UMODL1: variants seen among roughly 807,000 people sequenced by gnomAD.
The protein encoded by UMODL1 is uromodulin like 1.
In UMODL1, 128 loss-of-function variants were observed where a neutral mutation model predicts 136.3. That is an observed-to-expected ratio of 0.94 (90% confidence interval 0.81 to 1.09). UMODL1 has a LOEUF of 1.09. Ranked by LOEUF, UMODL1 falls within the 50% of genes least tolerant of loss-of-function variation. The pLI, the probability that UMODL1 is intolerant of heterozygous loss-of-function variation, is 0.00. For missense variants in UMODL1, 1,766 were observed against 1,725.6 expected (o/e 1.02, Z -0.41); for synonymous variants, 721 against 720.0 (o/e 1.00, Z -0.02).
rs1382029725 is a variant in UMODL1, at chr21:42,142,985, TTAGA to T, written c.*915_*918del. 6.6e-6 allele frequency: 1 copy of T among 152,240 alleles called. No homozygotes were observed. The highest frequency in any genetic ancestry group is 2.4e-5 in the African/African-American group (1 of 41,464). 9.4% of individuals were successfully genotyped at this position (152,240 alleles called of 1,614,324 possible). ...TCATTTGAAATAAACTGGAATTGTA[TTAGA>T]TAGCTCACACCTGAAAGTAGAGTGT... is the stretch of plus-strand genomic sequence containing the variant. On this transcript the variant is annotated 3_prime_UTR_variant, in exon 23 of 23. Transcript: ENST00000408910.
At chr21:42,116,077 G>A (rs1188906646) in intron 14 of UMODL1, 92 bp downstream of exon 14, 19 of 962,236 alleles carry the variant, frequency 2.0e-5, no homozygotes, top group South Asian at 1.4e-5. Flanking sequence ...GCTCACCCCT[G>A]TAATCCTAGC....
At chr21:42,127,639 ACAAG>A in intron 19 of UMODL1, 29 bp from the exon 20 acceptor site, 3 of 1,598,548 alleles carry the variant, frequency 1.9e-6, no homozygotes, top group Non-Finnish European at 2.6e-6. Flanking sequence ...GGGCTCGCTG[ACAAG>A]CAAGGAGTCC....
At chr21:42,141,623 G>A (rs1437024583) in intron 22 of UMODL1, among the ~76,000 whole-genome samples, 6 of 152,112 alleles carry the variant, frequency 3.9e-5, no homozygotes, top group Non-Finnish European at 8.8e-5. Flanking sequence ...TTGTTCTCCC[G>A]GGGCTCCTGT....
intron 12 of UMODL1, 102 bp from the exon 13 acceptor site, chr21:42,113,471 A>G: frequency 1.4e-6 from 2 of 1,437,934 alleles, no homozygotes; most frequent in Non-Finnish European, 1.9e-6. Flanking sequence ...CAAATCGCTC[A>G]TGTCCCCATG....
chr21:42,102,239 T>C lies in UMODL1; in HGVS notation c.1260T>C (p.Ser420=), dbSNP rs220109. The C allele has an allele frequency of 0.54, 872,611 of 1,612,020 alleles. 237,068 individuals carry two copies. The highest frequency in any genetic ancestry group is 0.64 in the Admixed American group (38,439 of 59,910). The change falls in exon 8 of 23, where the codon AGT becomes AGC. Residue 420 remains serine (S), a synonymous_variant. Transcript: ENST00000408910. The part of the protein sequence containing the change: ...NLTEKLLNRS[S]VEYQDFSRQL... ...CGGAGAAGTTACTCAACCGCAGCAGTGTGGAGTACCAGGACTTTTCTAGAC... is the reference window on the plus strand; with the variant it reads ...CGGAGAAGTTACTCAACCGCAGCAGCGTGGAGTACCAGGACTTTTCTAGAC...
chr21:42,126,977 T>C (rs1363176277), intron 18 of UMODL1, 29 bp from the exon 19 acceptor site: 2 of 1,583,412 alleles, frequency 1.3e-6, no homozygotes, highest in Admixed American at 1.7e-5. Flanking sequence ...TCCTGAAACA[T>C]GCCTCCTGCA....
intron 20 of UMODL1, among the ~76,000 whole-genome samples, chr21:42,128,713 C>T (rs896287942): frequency 6.6e-5 from 10 of 152,214 alleles, no homozygotes; most frequent in African/African-American, 9.6e-5. Flanking sequence ...TCAGAGATGA[C>T]AGGAGCACGG....
intron 10 of UMODL1, among the ~76,000 whole-genome samples, chr21:42,109,998 C>A (rs1442229159): frequency 6.6e-6 from 1 of 152,144 alleles, no homozygotes; most frequent in East Asian, 1.9e-4. Flanking sequence ...TCCATGAAGG[C>A]CAAGTTCCTT....
chr21:42,107,378 G>A (rs1232442524), intron 9 of UMODL1, among the ~76,000 whole-genome samples: 1 of 152,164 alleles, frequency 6.6e-6, no homozygotes, highest in East Asian at 1.9e-4. Flanking sequence ...GTGGAGCTGA[G>A]CTCCCCAAAG....
chr21:42,076,849 G>T (rs2146422533), intron 2 of UMODL1, among the ~76,000 whole-genome samples: 2 of 152,296 alleles, frequency 1.3e-5, no homozygotes, highest in Admixed American at 1.3e-4. Flanking sequence ...CAGTTCCTCA[G>T]TGCAGTTTGG....
At chr21:42,084,735 T>A (rs1431061244) in intron 3 of UMODL1, among the ~76,000 whole-genome samples, 1 of 150,710 alleles carries the variant, frequency 6.6e-6, no homozygotes, top group African/African-American at 2.4e-5. Context: ...TATATATGTA[T>A]AATGTTACAT....
intron 22 of UMODL1, 123 bp downstream of exon 22, chr21:42,137,764 G>A: frequency 8.8e-7 from 1 of 1,135,310 alleles, no homozygotes; most frequent in Non-Finnish European, 1.2e-6. Context: ...CTGACAGGAA[G>A]GTGGGTGTGG....
chr21:42,069,882 A>AT (rs2146409001), upstream of UMODL1, among the ~76,000 whole-genome samples: 1 of 152,282 alleles, frequency 6.6e-6, no homozygotes, highest in East Asian at 1.9e-4. Context: ...TGAGTATTAT[A>AT]TAATAGCTTT....
At chr21:42,132,003 T>A (rs1601280773) in intron 21 of UMODL1, among the ~76,000 whole-genome samples, 1 of 152,218 alleles carries the variant, frequency 6.6e-6, no homozygotes, top group East Asian at 1.9e-4. Context: ...TCATAGGGAA[T>A]GTCATGACTA....
rs941397293 is a variant in UMODL1 at position 42,099,345 on chromosome 21, G to A, written c.1186+165G>A. Among the ~76,000 whole-genome samples the A allele has an allele frequency of 2.0e-5, 3 of 152,112 alleles. No individual in the cohort carries two copies. Among genetic ancestry groups the A allele is most frequent in the Non-Finnish European group, 4.4e-5 (3 of 68,028 alleles). ...CTCCCAGTCATCCCACTGCCTGCCC[G>A]GCATTGCACCGGCCCGCTGGTGCCT... On this transcript the variant is annotated intron_variant, in intron 7 of 22. Coordinates refer to ENST00000408910, the MANE Select transcript of UMODL1 (RefSeq NM_001004416.3). The surrounding 1 kb of genome is among the most constrained non-coding windows in gnomAD (Gnocchi z 4.1).
intron 6 of UMODL1, among the ~76,000 whole-genome samples, chr21:42,091,529 G>C (rs2066492169): frequency 6.6e-6 from 1 of 152,226 alleles, no homozygotes; most frequent in Admixed American, 6.5e-5. Flanking sequence ...TACTCTGAGT[G>C]CAGGAGTCTA....
At chr21:42,141,540 G>T (rs1455965807) in intron 22 of UMODL1, among the ~76,000 whole-genome samples, 1 of 152,196 alleles carries the variant, frequency 6.6e-6, no homozygotes, top group Non-Finnish European at 1.5e-5. Context: ...TGGTGTATTG[G>T]TGCTGGGTCA....
chr21:42,134,677 C>G (rs144431927), intron 21 of UMODL1, among the ~76,000 whole-genome samples: 1 of 151,952 alleles, frequency 6.6e-6, no homozygotes, highest in Non-Finnish European at 1.5e-5. Context: ...TGCAGTGGTG[C>G]GATCTCGGCT....
At chr21:42,139,964 G>A (rs1208499491) in intron 22 of UMODL1, among the ~76,000 whole-genome samples, 1 of 152,220 alleles carries the variant, frequency 6.6e-6, no homozygotes, top group Admixed American at 6.5e-5. Context: ...CCCAGCAAGG[G>A]CAGCATGGAG....
Sources: allele counts gnomAD v4.1 joint callset (sites outside exome capture counted in the v4.1 genomes callset), GRCh38; gene constraint gnomAD v4.1.1; non-coding constraint Gnocchi (gnomAD v3.1); transcripts MANE v1.5; gene names NCBI Gene and HGNC (gene_info 2026-07-23, HGNC 2026-07-21).